The following CSMD3 variants were observed in gnomAD, a reference collection of about 807,000 sequenced individuals.
CSMD3 encodes the protein CUB and sushi domain-containing protein 3.
CSMD3 carries 177 observed loss-of-function variants against 435.2 expected under a neutral mutation model. That is an observed-to-expected ratio of 0.41 (90% CI 0.36 to 0.46). The LOEUF is 0.46. Ranked by LOEUF, CSMD3 falls within the 20% of genes least tolerant of loss-of-function variation. The pLI is 0.34. For synonymous variants in CSMD3, 1,656 were observed against 1,520.5 expected, an observed-to-expected ratio of 1.09 and a Z score of -2.07; for missense variants, 4,265 against 4,504.6, an observed-to-expected ratio of 0.95 and a Z score of 1.52.
At chr8:112,373,809 T>G (rs1308430511) in intron 38 of CSMD3, among the ~76,000 whole-genome samples, 2 of 152,120 alleles carry the variant, frequency 1.3e-5, no homozygotes, top group Non-Finnish European at 2.9e-5. Flanking sequence ...GATGTGGTGC[T>G]TGGGTAGAGG....
At chr8:112,795,457 C>T (rs2078805569) in intron 13 of CSMD3, among the ~76,000 whole-genome samples, 1 of 152,136 alleles carries the variant, frequency 6.6e-6, no homozygotes. Flanking sequence ...TTCTTTTCCA[C>T]ATACCCTTGT....
At chr8:112,820,138 A>G (rs1269562092) in intron 12 of CSMD3, among the ~76,000 whole-genome samples, 3 of 152,136 alleles carry the variant, frequency 2.0e-5, no homozygotes, top group African/African-American at 7.2e-5. Context: ...CCTGCCCTCC[A>G]ATATAGAAGG....
At chr8:112,615,419 T>C (rs1291173328) in intron 22 of CSMD3, among the ~76,000 whole-genome samples, 2 of 152,146 alleles carry the variant, frequency 1.3e-5, no homozygotes, top group Admixed American at 1.3e-4. Context: ...AGTCATGATA[T>C]TACTGAACCT....
chr8:113,225,899 G>A (rs1299330209), intron 3 of CSMD3, among the ~76,000 whole-genome samples: 1 of 151,448 alleles, frequency 6.6e-6, no homozygotes, highest in Admixed American at 6.6e-5. Flanking sequence ...GACCTCATGG[G>A]AAGTGAGTAG....
In CSMD3 at chr8:112,885,167, A is replaced by C. The variant is rs189810902; in HGVS notation, c.1634-25901T>G. ...CTGACTGGTCCTTGATTTATCCTGT[A>C]AGCAATCAGTAAGTGTTTACTGAGT... On this transcript the variant is annotated intron_variant, in intron 10 of 70. Transcript: ENST00000297405. Among the ~76,000 whole-genome samples, 5 of 151,824 alleles carry C rather than the reference A, an allele frequency of 3.3e-5. No individual in the cohort carries two copies. The East Asian group carries it at 7.8e-4, about 24-fold the overall frequency.
rs149742760 is a variant in CSMD3 at position 112,635,714 on chromosome 8, G to A, written c.3715+1103C>T. On this transcript the variant is annotated intron_variant, in intron 22 of 70. Transcript: ENST00000297405. ...AAGACTTCAGACCCACACTAACTTGGATGATCATATTTTTTGGCTTGATTT... is the reference window on the plus strand; with the variant it reads ...AAGACTTCAGACCCACACTAACTTGAATGATCATATTTTTTGGCTTGATTT... Among the ~76,000 whole-genome samples, 254 of 152,128 alleles carry A rather than the reference G, an allele frequency of 1.7e-3. 3 individuals carry two copies. Among genetic ancestry groups the A allele is most frequent in the African/African-American group, 5.9e-3 (243 of 41,524 alleles).
At chr8:113,044,812 G>T in intron 5 of CSMD3, among the ~76,000 whole-genome samples, 1 of 148,632 alleles carries the variant, frequency 6.7e-6, no homozygotes, top group Non-Finnish European at 1.5e-5. Flanking sequence ...CTGTAATTTT[G>T]TTTATGCTGT....
chr8:113,320,182 C>A (rs2093939632), intron 1 of CSMD3, among the ~76,000 whole-genome samples: 1 of 151,920 alleles, frequency 6.6e-6, no homozygotes, highest in South Asian at 2.1e-4. Flanking sequence ...ATGGAAAACT[C>A]CCCTCAAAAA....
chr8:113,376,753 G>A (rs367850615), intron 1 of CSMD3: 5 of 1,613,896 alleles, frequency 3.1e-6, no homozygotes, highest in African/African-American at 1.3e-5. Flanking sequence ...GCTGTCTGTC[G>A]GTCAAGCTGT....
chr8:113,374,834 A>AAT (rs1370308421), intron 1 of CSMD3, among the ~76,000 whole-genome samples: 1 of 122,856 alleles, frequency 8.1e-6, no homozygotes, highest in African/African-American at 2.9e-5. Context: ...AAAAAAAAAA[A>AAT]AAAAAAAAAA....
intron 11 of CSMD3, among the ~76,000 whole-genome samples, chr8:112,845,017 A>C (rs1429883555): frequency 6.6e-6 from 1 of 152,026 alleles, no homozygotes; most frequent in East Asian, 1.9e-4. Context: ...AATGGTTAGT[A>C]GTGGGAACAG....
In CSMD3 at chr8:112,776,845, T is replaced by A. The variant is rs137986750; in HGVS notation, c.1972+23317A>T. ...AAACACATCCTTGGGTAAGGAATTT[T>A]AGTTGATTCACTCGTGTGTAAAGAT... On this transcript the variant is annotated intron_variant, in intron 13 of 70. Transcript: ENST00000297405. Among the ~76,000 whole-genome samples, 1,307 of 151,914 alleles carry A rather than the reference T, an allele frequency of 8.6e-3. 19 individuals are homozygous for A. The highest frequency in any genetic ancestry group is 0.029 in the African/African-American group (1,220 of 41,534).
At chr8:112,666,932 C>T (rs2075540916) in intron 16 of CSMD3, among the ~76,000 whole-genome samples, 1 of 152,132 alleles carries the variant, frequency 6.6e-6, no homozygotes, top group Non-Finnish European at 1.5e-5. Flanking sequence ...TAAGCTCCTC[C>T]AAATTATAGT....
intron 27 of CSMD3, among the ~76,000 whole-genome samples, chr8:112,534,129 T>C (rs866918730): frequency 6.0e-5 from 9 of 151,128 alleles, no homozygotes; most frequent in Non-Finnish European, 1.3e-4. Flanking sequence ...AAAGCAAGAG[T>C]GAACACATTC....
chr8:113,271,027 T>C (rs750488950), intron 3 of CSMD3, among the ~76,000 whole-genome samples: 1 of 149,768 alleles, frequency 6.7e-6, no homozygotes, highest in Non-Finnish European at 1.5e-5. Context: ...GCCCTAGAGA[T>C]GTGTGGAACT....
intron 10 of CSMD3, among the ~76,000 whole-genome samples, chr8:112,905,092 A>G (rs2082220212): frequency 6.6e-6 from 1 of 151,346 alleles, no homozygotes; most frequent in African/African-American, 2.4e-5. Context: ...ATACATCAGA[A>G]AGTTTAGATT....
intron 2 of CSMD3, among the ~76,000 whole-genome samples, chr8:113,282,248 A>G (rs190795970): frequency 7.6e-4 from 116 of 152,148 alleles, no homozygotes; most frequent in Admixed American, 1.8e-3. Context: ...AGAGAAAGAA[A>G]CAAAGGACAT....
At position 112,567,778 on chromosome 8, in the gene CSMD3, T is replaced by C. The variant is rs149913480; in HGVS notation, c.4042+5723A>G. Among the ~76,000 whole-genome samples the C allele has an allele frequency of 3.5e-3, 540 of 152,246 alleles. 2 individuals are homozygous for C. Among genetic ancestry groups the C allele is most frequent in the African/African-American group, 0.012 (518 of 41,558 alleles). ...CAGAGTGATGTTTTAGGAAGGATAC[T>C]GTATTGTGATCTCAATTTCTGATCT... On this transcript the variant is annotated intron_variant, in intron 24 of 70. Transcript: ENST00000297405.
chr8:112,408,126 GAAT>G (rs766004513), intron 34 of CSMD3, among the ~76,000 whole-genome samples, 189 bp downstream of exon 34: 2 of 152,102 alleles, frequency 1.3e-5, no homozygotes, highest in African/African-American at 2.4e-5. Flanking sequence ...TTTAAACTGA[GAAT>G]GATGATGGAA....
Sources: gnomAD v4.1 joint callset for allele counts (sites outside exome capture counted in the v4.1 genomes callset) on GRCh38, gnomAD v4.1.1 for gene constraint, MANE v1.5 for transcripts, NCBI Gene and HGNC (gene_info 2026-07-23, HGNC 2026-07-21) for gene names.